CCSER2: variants seen among roughly 807,000 people sequenced by gnomAD.
CCSER2 encodes the protein coiled-coil serine rich protein 2.
A neutral mutation model predicts 92.3 loss-of-function variants in CCSER2; 46 were observed. The observed-to-expected ratio is 0.50, with a 90% CI of 0.39 to 0.64. CCSER2 has a LOEUF of 0.64. CCSER2 is among the 30% of genes least tolerant of loss of function. The probability of loss-of-function intolerance (pLI) is 0.00; values close to 1 mark genes in which losing one functional copy is unlikely to be tolerated. For missense variants in CCSER2, 1,244 were observed against 1,238.9 expected, an observed-to-expected ratio of 1.00 and a Z score of -0.06; for synonymous variants, 433 against 431.4, an observed-to-expected ratio of 1.00 and a Z score of -0.04.
intron 3 of CCSER2, among the ~76,000 whole-genome samples, chr10:84,376,830 C>T (rs897393753): frequency 1.3e-5 from 2 of 151,976 alleles, no homozygotes. Context: ...GGAAAATTCA[C>T]CTTCTTGTCT....
intron 5 of CCSER2, among the ~76,000 whole-genome samples, chr10:84,432,670 CGGT>C (rs1843849089): frequency 1.3e-5 from 2 of 152,134 alleles, no homozygotes; most frequent in South Asian, 2.1e-4. Context: ...TTTTTCCAGT[CGGT>C]GGCTTATTCT....
At chr10:84,401,800 C>T (rs1473662799) in intron 3 of CCSER2, among the ~76,000 whole-genome samples, 1 of 152,202 alleles carries the variant, frequency 6.6e-6, no homozygotes, top group African/African-American at 2.4e-5. Context: ...TATGTGGCTT[C>T]AGCAGCCATT....
chr10:84,403,056 A>G (rs1842201545), intron 3 of CCSER2, among the ~76,000 whole-genome samples: 2 of 152,224 alleles, frequency 1.3e-5, no homozygotes, highest in South Asian at 4.1e-4. Context: ...ACCTGATGTA[A>G]AGACTTAATA....
chr10:84,431,458 TAGCC>T (rs1843758158), intron 5 of CCSER2, among the ~76,000 whole-genome samples: 1 of 151,976 alleles, frequency 6.6e-6, no homozygotes, highest in African/African-American at 2.4e-5. Context: ...AAAAAAAAAT[TAGCC>T]AGGTGCAGTG....
At chr10:84,386,422 A>G (rs914838753) in intron 3 of CCSER2, among the ~76,000 whole-genome samples, 2 of 152,268 alleles carry the variant, frequency 1.3e-5, no homozygotes, top group Non-Finnish European at 2.9e-5. Context: ...ACCATAAAAA[A>G]GAATGAAACT....
chr10:84,489,225 G>A (rs1393523855), intron 9 of CCSER2, among the ~76,000 whole-genome samples: 1 of 152,196 alleles, frequency 6.6e-6, no homozygotes, highest in Non-Finnish European at 1.5e-5. Flanking sequence ...TTGATTTGGG[G>A]TGGAGAGTTC....
intron 4 of CCSER2, among the ~76,000 whole-genome samples, chr10:84,423,445 T>A (rs1843253496): frequency 6.6e-6 from 1 of 152,238 alleles, no homozygotes; most frequent in African/African-American, 2.4e-5. Flanking sequence ...TTGGAGTCTA[T>A]ATGTGGAGCC....
chr10:84,441,449 C>T lies in CCSER2; in HGVS notation c.2064+2742C>T, dbSNP rs1042432669. On this transcript the variant is annotated intron_variant, in intron 6 of 9. Coordinates refer to ENST00000372088, the MANE Select transcript of CCSER2 (RefSeq NM_001284240.2). ...ATTTTATTGAGAATTCTTTGGTTCCCTGTATTCTTTCTCTTTTTAAATGGT... is the reference window on the plus strand; with the variant it reads ...ATTTTATTGAGAATTCTTTGGTTCCTTGTATTCTTTCTCTTTTTAAATGGT... 2.8e-4 allele frequency among the ~76,000 whole-genome samples: 43 copies of T among 151,982 alleles called. 1 individual carries two copies. The highest frequency in any genetic ancestry group is 7.4e-5 in the Non-Finnish European group (5 of 67,988).
At chr10:84,460,227 C>T (rs1320797282) in intron 6 of CCSER2, among the ~76,000 whole-genome samples, 1 of 142,278 alleles carries the variant, frequency 7.0e-6, no homozygotes, top group Non-Finnish European at 1.5e-5. Flanking sequence ...GTAGCTGGGA[C>T]TATGGGCATG....
intron 1 of CCSER2, among the ~76,000 whole-genome samples, chr10:84,343,955 T>C (rs557540551): frequency 3.9e-5 from 6 of 152,306 alleles, no homozygotes; most frequent in Admixed American, 3.3e-4. Flanking sequence ...GAAGATGCTG[T>C]TTAATTGTCA....
chr10:84,366,427 A>G (rs1457942876), intron 1 of CCSER2, among the ~76,000 whole-genome samples: 3 of 152,238 alleles, frequency 2.0e-5, no homozygotes, highest in Non-Finnish European at 4.4e-5. Context: ...AAAGTACAGT[A>G]TATAAGACTT....
chr10:84,420,885 A>G (rs1023541327), intron 4 of CCSER2, among the ~76,000 whole-genome samples: 3 of 150,480 alleles, frequency 2.0e-5, no homozygotes, highest in Non-Finnish European at 4.4e-5. Context: ...ATGAGCCGAG[A>G]TCACGCTACT....
In CCSER2 at chr10:84,363,003, A is replaced by ATT. The variant is rs762145500; in HGVS notation, c.-39-7997_-39-7996dup. ...AGGTGCCTGCCACCACGCCCAGCTA[A>ATT]TTTTTTTTTTTTTTTGTATTTTTAG... On this transcript the variant is annotated intron_variant, in intron 1 of 9. Coordinates refer to ENST00000372088, the MANE Select transcript of CCSER2 (RefSeq NM_001284240.2). Among the ~76,000 whole-genome samples, 153 of 138,846 alleles carry ATT rather than the reference A, an allele frequency of 1.1e-3. 1 individual carries two copies. The highest frequency in any genetic ancestry group is 6.7e-3 in the South Asian group (29 of 4,330). 91.1% of individuals were successfully genotyped at this position (138,846 alleles called of 152,430 possible).
At chr10:84,501,833 A>AT (rs1339469339) in intron 9 of CCSER2, among the ~76,000 whole-genome samples, 69 of 62,930 alleles carry the variant, frequency 1.1e-3, no homozygotes, top group Middle Eastern at 0.01. Flanking sequence ...AAAAAAAAAA[A>AT]AATATATATA....
At chr10:84,406,485 T>C (rs1388547568) in intron 3 of CCSER2, among the ~76,000 whole-genome samples, 1 of 152,198 alleles carries the variant, frequency 6.6e-6, no homozygotes, top group Non-Finnish European at 1.5e-5. Flanking sequence ...AAGGAAGCAC[T>C]GACCCACCGT....
At chr10:84,465,933 G>T (rs1477576394) in intron 7 of CCSER2, among the ~76,000 whole-genome samples, 1 of 152,048 alleles carries the variant, frequency 6.6e-6, no homozygotes, top group Non-Finnish European at 1.5e-5. Context: ...TGTATTTTTA[G>T]TAGAGACGGG....
At chr10:84,341,589 T>G (rs953622307) in intron 1 of CCSER2, among the ~76,000 whole-genome samples, 5 of 151,872 alleles carry the variant, frequency 3.3e-5, no homozygotes, top group Non-Finnish European at 7.4e-5. Context: ...GCCCTATGAT[T>G]TAGTTCCAAT....
At chr10:84,490,275 G>A (rs1848077154) in intron 9 of CCSER2, among the ~76,000 whole-genome samples, 1 of 152,094 alleles carries the variant, frequency 6.6e-6, no homozygotes, top group Admixed American at 6.5e-5. Context: ...TCCTGAATTT[G>A]AACATTGGCC....
At chr10:84,425,914 G>C (rs538398623) in intron 5 of CCSER2, 21 bp downstream of exon 5, 2 of 1,440,494 alleles carry the variant, frequency 1.4e-6, no homozygotes, top group Admixed American at 2.3e-5. Context: ...TTCTGACTTA[G>C]ATTTCATTTG....
Sources: allele counts gnomAD v4.1 joint callset (sites outside exome capture counted in the v4.1 genomes callset), GRCh38; gene constraint gnomAD v4.1.1; transcripts MANE v1.5; gene names NCBI Gene and HGNC (gene_info 2026-07-23, HGNC 2026-07-21).